CALML4: variants seen among roughly 807,000 people sequenced by gnomAD.
CALML4 encodes calmodulin-like protein 4.
In CALML4, 16 loss-of-function variants were observed where a neutral mutation model predicts 17.9. That is an observed-to-expected ratio of 0.89 (90% confidence interval 0.61 to 1.36). The LOEUF (loss-of-function observed/expected upper bound fraction) is 1.36, where lower values mean the gene tolerates loss of function less well. CALML4 is among the 40% of genes most tolerant of loss of function. The probability of loss-of-function intolerance (pLI) is 0.00; values close to 1 mark genes in which losing one functional copy is unlikely to be tolerated. For missense variants in CALML4, 203 were observed against 194.8 expected (o/e 1.04, Z -0.25); for synonymous variants, 86 against 71.5 (o/e 1.20, Z -1.02).
intron 4 of CALML4, among the ~76,000 whole-genome samples, chr15:68,194,337 G>T (rs28604333): frequency 0.011 from 1,715 of 151,396 alleles, 29 homozygotes; most frequent in African/African-American, 0.04. Context: ...GGGGCAGGGA[G>T]TAGGGAGGTG....
At position 68,205,125 on chromosome 15, in the gene CALML4, A is replaced by C; in HGVS notation, c.30T>G (p.Ile10Met). 6.2e-7 allele frequency: 1 copy of C among 1,613,998 alleles called. No individual in the cohort carries two copies. Among genetic ancestry groups the C allele is most frequent in the Non-Finnish European group, 8.5e-7 (1 of 1,179,984 alleles). ...CAAAGAACAAACCCAACCTACCATT[A>C]ATTTGGTCTTGGGAAAGAAACTTGG... MAKFLSQDQ[I>M]NEYKECFSLY... Residue 10 changes from isoleucine to methionine, a missense_variant, in exon 2 of 5, where the codon ATT becomes ATG. Ile to Met is a conservative substitution (Grantham distance 10). Coordinates refer to ENST00000467889, the MANE Select transcript of CALML4 (RefSeq NM_033429.3). The surrounding 1 kb of genome is among the most constrained non-coding windows in gnomAD (Gnocchi z 4.8).
chr15:68,197,148 A>G lies in CALML4; in HGVS notation c.364+292T>C, dbSNP rs112715464. Among the ~76,000 whole-genome samples the G allele has an allele frequency of 2.3e-5, 1 of 43,384 alleles. No individual in the cohort carries two copies. Among genetic ancestry groups the G allele is most frequent in the Non-Finnish European group, 7.4e-5 (1 of 13,490 alleles). 28.5% of individuals were successfully genotyped at this position (43,384 alleles called of 152,430 possible). A position where few individuals can be genotyped will look rare whatever the true frequency, so the allele number is the denominator to read the frequency against. On this transcript the variant is annotated intron_variant, in intron 4 of 4. Coordinates refer to ENST00000467889, the MANE Select transcript of CALML4 (RefSeq NM_033429.3). This position sits in a 1 kb window ranked among gnomAD's most constrained non-coding sequence, Gnocchi z 4.1. ...AGCCCCACAGTGAGAGCTTGAACAC[A>G]GGGGGAGACCAGACTGCACGCTCCA...
At chr15:68,199,764 C>A in intron 2 of CALML4, 83 bp from the exon 3 acceptor site, 1 of 1,453,566 alleles carries the variant, frequency 6.9e-7, no homozygotes. Flanking sequence ...TCTCTTCTCC[C>A]TCTTTTCCCC....
In CALML4 at chr15:68,193,879, A is replaced by C. The variant is rs1440640108; in HGVS notation, c.*136T>G. On this transcript the variant is annotated 3_prime_UTR_variant, in exon 5 of 5. Transcript: ENST00000467889. ...AAATCATCTATTATTGTTGCTAGTTAGCCTCTCTTCTATAGTTGGGTAATG... is the reference window on the plus strand; with the variant it reads ...AAATCATCTATTATTGTTGCTAGTTCGCCTCTCTTCTATAGTTGGGTAATG... The C allele has an allele frequency of 1.6e-6, 1 of 622,196 alleles. No individual in the cohort carries two copies. The highest frequency in any genetic ancestry group is 2.9e-6 in the Non-Finnish European group (1 of 344,402). The allele number at this position is 622,196 out of a possible 1,614,324, so 38.5% of individuals were successfully genotyped here.
intron 2 of CALML4, 98 bp from the exon 3 acceptor site, chr15:68,199,779 T>C: frequency 7.4e-7 from 1 of 1,349,976 alleles, no homozygotes; most frequent in Non-Finnish European, 1.0e-6. Flanking sequence ...TTCCCCTTCC[T>C]TTTGCCTACT....
chr15:68,199,732 A>C (rs955319093), intron 2 of CALML4, 51 bp from the exon 3 acceptor site: 2 of 1,565,670 alleles, frequency 1.3e-6, no homozygotes, highest in Admixed American at 3.6e-5. Flanking sequence ...CTCTCCGCCC[A>C]TGCCGCCCTC....
At position 68,205,265 on chromosome 15, in the gene CALML4, T is replaced by C. The variant is rs756077697; in HGVS notation, c.-18A>G. On this transcript the variant is annotated 5_prime_UTR_variant, in exon 1 of 5. Transcript: ENST00000467889. This position sits in a 1 kb window ranked among gnomAD's most constrained non-coding sequence, Gnocchi z 4.8. The stretch of plus-strand genomic sequence containing the variant: ...CTCACCATTCTGGGGCCTCGGCTGC[T>C]ACCCGTGGGCTTGCTGCTCCCAGAA... 1.2e-6 allele frequency: 2 copies of C among 1,614,118 alleles called. No individual in the cohort carries two copies. Among genetic ancestry groups the C allele is most frequent in the Non-Finnish European group, 1.7e-6 (2 of 1,180,034 alleles).
chr15:68,203,996 C>T (rs2093173861), intron 2 of CALML4, among the ~76,000 whole-genome samples: 1 of 152,164 alleles, frequency 6.6e-6, no homozygotes, highest in South Asian at 2.1e-4. Flanking sequence ...GAAGGCTGGA[C>T]TCCAGCCCTC....
rs931704874 is a variant in CALML4 at position 68,204,223 on chromosome 15, C to A, written c.34+898G>T. ...GAACTCCTGCCCAGGTAACCCTAAC[C>A]CCACTTGGCTGGGCTCTCAGGACCC... On this transcript the variant is annotated intron_variant, in intron 2 of 4. Transcript: ENST00000467889. The surrounding 1 kb of genome is among the most constrained non-coding windows in gnomAD (Gnocchi z 6.0). Among the ~76,000 whole-genome samples, 1 of 152,152 alleles carries A rather than the reference C, an allele frequency of 6.6e-6. No individual in the cohort carries two copies. Among genetic ancestry groups the A allele is most frequent in the Non-Finnish European group, 1.5e-5 (1 of 68,020 alleles).
chr15:68,191,214 A>G lies in CALML4; in HGVS notation c.*2801T>C, dbSNP rs551946248. 1 of 152,660 alleles carries G rather than the reference A, an allele frequency of 6.6e-6. No individual in the cohort carries two copies. Among genetic ancestry groups the G allele is most frequent in the African/African-American group, 2.4e-5 (1 of 41,472 alleles). 9.5% of individuals were successfully genotyped at this position (152,660 alleles called of 1,614,324 possible). On this transcript the variant is annotated 3_prime_UTR_variant, in exon 5 of 5. Transcript: ENST00000467889. ...AAGGGGAAAATGTACATAAACAGATAAAGTTACCATAAATTCCATGAACTT... is the reference window on the plus strand; with the variant it reads ...AAGGGGAAAATGTACATAAACAGATGAAGTTACCATAAATTCCATGAACTT...
intron 3 of CALML4, among the ~76,000 whole-genome samples, chr15:68,199,140 G>A (rs1049709716): frequency 1.3e-5 from 2 of 151,812 alleles, no homozygotes; most frequent in Admixed American, 6.6e-5. Context: ...TCAGCTTCTC[G>A]GTGACAGAGC....
rs981399535 is a variant in CALML4, at chr15:68,200,422, G to A, written c.35-741C>T. 3.3e-5 allele frequency among the ~76,000 whole-genome samples: 5 copies of A among 152,170 alleles called. No homozygotes were observed. Among genetic ancestry groups the A allele is most frequent in the African/African-American group, 4.8e-5 (2 of 41,442 alleles). On this transcript the variant is annotated intron_variant, in intron 2 of 4. Coordinates refer to ENST00000467889, the MANE Select transcript of CALML4 (RefSeq NM_033429.3). The surrounding 1 kb of genome is among the most constrained non-coding windows in gnomAD (Gnocchi z 4.3). The stretch of plus-strand genomic sequence containing the variant: ...CAGGGTCTGAAGCCCTTTCTCCTTC[G>A]GTACTTGGTGGAGGTGGAAGGCAGC...
chr15:68,205,044 A>G lies in CALML4; in HGVS notation c.34+77T>C, dbSNP rs531223745. 4.5e-5 allele frequency: 70 copies of G among 1,550,850 alleles called. No individual in the cohort carries two copies. In the African/African-American group the frequency reaches 7.5e-4, roughly 17 times the overall value. ...CACAGCCACCTTCCTTCCCACCAAGAAAACATGAGCAGAGCAAATTGCCTA... is the reference window on the plus strand; with the variant it reads ...CACAGCCACCTTCCTTCCCACCAAGGAAACATGAGCAGAGCAAATTGCCTA... On this transcript the variant is annotated intron_variant, in intron 2 of 4. Coordinates refer to ENST00000467889, the MANE Select transcript of CALML4 (RefSeq NM_033429.3). This position sits in a 1 kb window ranked among gnomAD's most constrained non-coding sequence, Gnocchi z 4.8.
At chr15:68,194,402 T>TA (rs774552004) in intron 4 of CALML4, among the ~76,000 whole-genome samples, 4 of 137,790 alleles carry the variant, frequency 2.9e-5, no homozygotes, top group East Asian at 2.0e-4. Context: ...TTTTTTTTTT[T>TA]AAAACAGTTT....
At chr15:68,201,620 T>G (rs1207032004) in intron 2 of CALML4, among the ~76,000 whole-genome samples, 1 of 152,058 alleles carries the variant, frequency 6.6e-6, no homozygotes, top group African/African-American at 2.4e-5. Context: ...TGGGGGCACT[T>G]CACTACTCCC....
chr15:68,198,067 G>GGCT (rs2093152142), intron 3 of CALML4: 1 of 156,080 alleles, frequency 6.4e-6, no homozygotes, highest in East Asian at 1.9e-4. Flanking sequence ...TCGCAGGCTG[G>GGCT]GCTGCTCACC....
In CALML4 at chr15:68,197,722, G is replaced by A. The variant is rs529925005; in HGVS notation, c.176-94C>T. 3.1e-5 allele frequency: 35 copies of A among 1,145,550 alleles called. No homozygotes were observed. In the African/African-American group the frequency reaches 5.1e-4, roughly 17 times the overall value. The allele number at this position is 1,145,550 out of a possible 1,614,324, so 71.0% of individuals were successfully genotyped here. ...TGCTGGACCTGCACAGCCGGTTCAA[G>A]GTCAACTGACCAGGGAATGCCAGGA... On this transcript the variant is annotated intron_variant, in intron 3 of 4. Transcript: ENST00000467889. This position sits in a 1 kb window ranked among gnomAD's most constrained non-coding sequence, Gnocchi z 4.1.
At position 68,200,645 on chromosome 15, in the gene CALML4, C is replaced by G. The variant is rs751212467; in HGVS notation, c.35-964G>C. On this transcript the variant is annotated intron_variant, in intron 2 of 4. Coordinates refer to ENST00000467889, the MANE Select transcript of CALML4 (RefSeq NM_033429.3). The surrounding 1 kb of genome is among the most constrained non-coding windows in gnomAD (Gnocchi z 4.3). The stretch of plus-strand genomic sequence containing the variant: ...TCTCGTCCAGCCCAGACGAGGCACC[C>G]GGGCCTGTGGGTGGAGCCGTGGAAA... Among the ~76,000 whole-genome samples, 1 of 152,160 alleles carries G rather than the reference C, an allele frequency of 6.6e-6. No homozygotes were observed. The highest frequency in any genetic ancestry group is 1.5e-5 in the Non-Finnish European group (1 of 68,016).
chr15:68,199,287 T>C (rs139440883), intron 3 of CALML4, among the ~76,000 whole-genome samples: 13 of 152,108 alleles, frequency 8.5e-5, no homozygotes, highest in South Asian at 2.1e-4. Context: ...TCAGCGCGAT[T>C]TTTCTCTGGG....
Sources: gnomAD v4.1 joint callset for allele counts (sites outside exome capture counted in the v4.1 genomes callset) on GRCh38, gnomAD v4.1.1 for gene constraint, Gnocchi (gnomAD v3.1) non-coding constraint, MANE v1.5 for transcripts, NCBI Gene and HGNC (gene_info 2026-07-23, HGNC 2026-07-21) for gene names.